The following MSRB3 variants were observed in gnomAD, a reference collection of about 807,000 sequenced individuals.
MSRB3 encodes the protein methionine sulfoxide reductase B3.
Under a neutral mutation model 21.0 loss-of-function variants are expected in MSRB3, and 13 were observed. The ratio of observed to expected loss-of-function variants is 0.62; its 90% CI spans 0.40 to 0.98. The LOEUF is 0.98. MSRB3 is among the 50% of genes least tolerant of loss of function. The pLI is 0.00. For synonymous variants in MSRB3, 87 were observed against 88.6 expected (o/e 0.98, Z 0.10); for missense variants, 199 against 230.3 (o/e 0.86, Z 0.88).
intron 5 of MSRB3, among the ~76,000 whole-genome samples, chr12:65,449,040 A>T (rs993909407): frequency 7.2e-5 from 11 of 151,980 alleles, no homozygotes; most frequent in Non-Finnish European, 1.3e-4. Flanking sequence ...ATTTTATTTT[A>T]TTTTTTGAGA....
chr12:65,423,607 G>C (rs1232298838), intron 5 of MSRB3, among the ~76,000 whole-genome samples: 2 of 152,072 alleles, frequency 1.3e-5, no homozygotes, highest in South Asian at 4.1e-4. Flanking sequence ...TGATCATATG[G>C]TTCTTGTCCT....
At chr12:65,325,980 A>G (rs1332151413) in intron 2 of MSRB3, among the ~76,000 whole-genome samples, 1 of 152,268 alleles carries the variant, frequency 6.6e-6, no homozygotes, top group African/African-American at 2.4e-5. Flanking sequence ...GAATCACATT[A>G]GAATTATTTC....
In MSRB3 at chr12:65,429,119, G is replaced by C. The variant is rs551192258; in HGVS notation, c.293-24609G>C. 3.9e-5 allele frequency among the ~76,000 whole-genome samples: 6 copies of C among 152,208 alleles called. No individual in the cohort carries two copies. In the South Asian group the frequency reaches 8.3e-4, roughly 21 times the overall value. ...AGGAGATACAGTGGCAAACAGACAG[G>C]GCTCCTGCTATTAAGGAGTTACTAA... On this transcript the variant is annotated intron_variant, in intron 5 of 6. Coordinates refer to ENST00000308259, the MANE Select transcript of MSRB3 (RefSeq NM_001031679.3).
At chr12:65,301,164 C>T (rs556481989) in intron 1 of MSRB3, among the ~76,000 whole-genome samples, 1 of 152,136 alleles carries the variant, frequency 6.6e-6, no homozygotes, top group African/African-American at 2.4e-5. Context: ...TTGTTAATCT[C>T]ATTATAGATG....
Position 65,323,938 on chromosome 12 carries a change from T to C in MSRB3, c.77-2888T>C, listed in dbSNP as rs1168903853. ...AAATCTGACCAACTTCTCATTGAAT[T>C]GTTTAATGTAAAATCACAATAGTTG... On this transcript the variant is annotated intron_variant, in intron 2 of 6. Coordinates refer to ENST00000308259, the MANE Select transcript of MSRB3 (RefSeq NM_001031679.3). Among the ~76,000 whole-genome samples, 4 of 152,342 alleles carry C rather than the reference T, an allele frequency of 2.6e-5. No homozygotes were observed. The South Asian group carries it at 8.3e-4, about 32-fold the overall frequency.
rs1199905983 is a variant in MSRB3, at chr12:65,359,387, A to G, written c.264-9611A>G. 2.6e-5 allele frequency among the ~76,000 whole-genome samples: 4 copies of G among 152,066 alleles called. No individual in the cohort carries two copies. The East Asian group carries it at 7.7e-4, about 29-fold the overall frequency. On this transcript the variant is annotated intron_variant, in intron 4 of 6. Transcript: ENST00000308259. ...CGCTAGCCATAACTTCTATTATTCT[A>G]TTCCTGATTACAACCTAAGGCAGAA... is the stretch of plus-strand genomic sequence containing the variant.
chr12:65,465,394 G>A lies in MSRB3; in HGVS notation c.*2072G>A, dbSNP rs1592662834. On this transcript the variant is annotated 3_prime_UTR_variant, in exon 7 of 7. Coordinates refer to ENST00000308259, the MANE Select transcript of MSRB3 (RefSeq NM_001031679.3). ...TACGTATTTTTGTAACTCTTTGAAAGTTTATGAAGACTGACAGCTTTCCTT... is the reference window on the plus strand; with the variant it reads ...TACGTATTTTTGTAACTCTTTGAAAATTTATGAAGACTGACAGCTTTCCTT... 1 of 152,122 alleles carries A rather than the reference G, an allele frequency of 6.6e-6. No homozygotes were observed. Among genetic ancestry groups the A allele is most frequent in the East Asian group, 1.9e-4 (1 of 5,188 alleles). The allele number at this position is 152,122 out of a possible 1,614,324, so 9.4% of individuals were successfully genotyped here.
At position 65,308,558 on chromosome 12, in the gene MSRB3, T is replaced by G. The variant is rs1873793398; in HGVS notation, c.-22T>G. The stretch of plus-strand genomic sequence containing the variant: ...TGCCCCTGTTCTTTGCTTCTCGTTT[T>G]GTTGGTGAAGATATCACAGTGATGT... On this transcript the variant is annotated 5_prime_UTR_variant, in exon 2 of 7. Transcript: ENST00000308259. 6.2e-7 allele frequency: 1 copy of G among 1,613,898 alleles called. No homozygotes were observed. Among genetic ancestry groups the G allele is most frequent in the East Asian group, 2.2e-5 (1 of 44,876 alleles).
At chr12:65,409,165 C>CATGT (rs71096039) in intron 5 of MSRB3, among the ~76,000 whole-genome samples, 1 of 150,900 alleles carries the variant, frequency 6.6e-6, no homozygotes, top group Non-Finnish European at 1.5e-5. Context: ...TATCTATATA[C>CATGT]GTGTGTGTGT....
At chr12:65,461,346 G>A (rs1243305634) in intron 6 of MSRB3, among the ~76,000 whole-genome samples, 1 of 152,218 alleles carries the variant, frequency 6.6e-6, no homozygotes, top group African/African-American at 2.4e-5. Context: ...GAAAGGAAAA[G>A]CAGTCTGACC....
chr12:65,417,203 A>G (rs1881025494), intron 5 of MSRB3, among the ~76,000 whole-genome samples: 1 of 152,156 alleles, frequency 6.6e-6, no homozygotes, highest in Non-Finnish European at 1.5e-5. Context: ...TATTTGTCCT[A>G]TAATACTTAG....
At chr12:65,366,969 G>A (rs1302542474) in intron 4 of MSRB3, among the ~76,000 whole-genome samples, 1 of 152,096 alleles carries the variant, frequency 6.6e-6, no homozygotes, top group East Asian at 1.9e-4. Flanking sequence ...TTAAGGGACA[G>A]GAGGAGGAGG....
intron 1 of MSRB3, among the ~76,000 whole-genome samples, chr12:65,297,111 A>G (rs564375691): frequency 6.6e-6 from 1 of 152,192 alleles, no homozygotes; most frequent in African/African-American, 2.4e-5. Flanking sequence ...CAGCAAACTA[A>G]TGCAGGAACA....
intron 4 of MSRB3, among the ~76,000 whole-genome samples, chr12:65,366,239 G>C (rs1878007090): frequency 6.6e-6 from 1 of 152,136 alleles, no homozygotes; most frequent in Admixed American, 6.5e-5. Flanking sequence ...TTAGGGCCAA[G>C]GGGTCCCTCC....
chr12:65,396,834 G>A (rs1879846448), intron 5 of MSRB3, among the ~76,000 whole-genome samples: 1 of 152,156 alleles, frequency 6.6e-6, no homozygotes, highest in South Asian at 2.1e-4. Context: ...TGTGTATTCT[G>A]CTGTCGTTGG....
chr12:65,387,051 G>C (rs1317065365), intron 5 of MSRB3, among the ~76,000 whole-genome samples: 4 of 151,890 alleles, frequency 2.6e-5, no homozygotes, highest in Admixed American at 1.3e-4. Context: ...GGCTATTGTA[G>C]AGCTAATGGG....
At chr12:65,338,065 G>T (rs1258762399) in intron 4 of MSRB3, among the ~76,000 whole-genome samples, 1 of 152,150 alleles carries the variant, frequency 6.6e-6, no homozygotes, top group Non-Finnish European at 1.5e-5. Flanking sequence ...GTTTAATCCT[G>T]ATAAGAATAA....
chr12:65,305,761 GTTGT>G (rs148362293), intron 1 of MSRB3, among the ~76,000 whole-genome samples: 10,887 of 152,128 alleles, frequency 0.072, 914 homozygotes, highest in African/African-American at 0.2. Context: ...GGATTTCTCT[GTTGT>G]TTGTTTTCAT....
chr12:65,289,269 C>T (rs906993375), intron 1 of MSRB3, among the ~76,000 whole-genome samples: 1 of 152,188 alleles, frequency 6.6e-6, no homozygotes, highest in East Asian at 1.9e-4. Flanking sequence ...CTGAGGTGGG[C>T]GGATCACCTG....
Sources: allele counts gnomAD v4.1 joint callset (sites outside exome capture counted in the v4.1 genomes callset), GRCh38; gene constraint gnomAD v4.1.1; transcripts MANE v1.5; gene names NCBI Gene and HGNC (gene_info 2026-07-23, HGNC 2026-07-21).